The following CPEB1 variants were observed in gnomAD, a reference collection of about 807,000 sequenced individuals.
CPEB1 encodes cytoplasmic polyadenylation element binding protein 1.
Under a neutral mutation model 65.8 loss-of-function variants are expected in CPEB1, and 7 were observed. That is an observed-to-expected ratio of 0.11 (90% CI 0.06 to 0.20). The LOEUF (loss-of-function observed/expected upper bound fraction) is 0.20, where lower values mean the gene tolerates loss of function less well. Ranked by LOEUF, CPEB1 falls within the 10% of genes least tolerant of loss-of-function variation. The pLI, the probability that CPEB1 is intolerant of heterozygous loss-of-function variation, is 1.00. For synonymous variants in CPEB1, 262 were observed against 260.0 expected (o/e 1.01, Z -0.08); for missense variants, 551 against 712.2 (o/e 0.77, Z 2.58).
At position 82,546,453 on chromosome 15, in the gene CPEB1, G is replaced by C; in HGVS notation, c.1644C>G (p.Phe548Leu). ...ACATCGGACCCACCTGATCTCGACA[G>C]AAGAAAGGACCAGGCTGAGAACTGC... ...HICSSQPGPF[F>L]CRDQVCFKYF... The change falls in exon 12 of 13, where the codon TTC becomes TTG. Residue 548 changes from phenylalanine (F) to leucine (L), a missense_variant. Phe to Leu is a conservative substitution (Grantham distance 22). Coordinates refer to ENST00000684509, the MANE Select transcript of CPEB1 (RefSeq NM_001365242.1). 6.2e-7 allele frequency: 1 copy of C among 1,613,808 alleles called. No homozygotes were observed.
chr15:82,604,043 T>C (rs1175652674), intron 3 of CPEB1, among the ~76,000 whole-genome samples: 1 of 152,162 alleles, frequency 6.6e-6, no homozygotes, highest in East Asian at 1.9e-4. Context: ...ATTTTCAATA[T>C]GTATGAAGAG....
chr15:82,590,233 A>C (rs561827470), intron 3 of CPEB1, among the ~76,000 whole-genome samples: 18 of 136,550 alleles, frequency 1.3e-4, no homozygotes, highest in South Asian at 1.0e-3. Flanking sequence ...AAAAAAAAAA[A>C]AAAAAAACAG....
At chr15:82,581,949 G>T (rs2041319777) in intron 3 of CPEB1, among the ~76,000 whole-genome samples, 1 of 152,184 alleles carries the variant, frequency 6.6e-6, no homozygotes, top group Non-Finnish European at 1.5e-5. Context: ...TATGACTTAA[G>T]CCAAGCTAGC....
chr15:82,588,904 A>C (rs1368501890), intron 3 of CPEB1, among the ~76,000 whole-genome samples: 5 of 152,172 alleles, frequency 3.3e-5, no homozygotes, highest in Non-Finnish European at 5.9e-5. Context: ...ATATGTTCTT[A>C]AGATTGAGTA....
chr15:82,597,105 G>A (rs569159071), intron 3 of CPEB1, among the ~76,000 whole-genome samples: 21 of 152,212 alleles, frequency 1.4e-4, no homozygotes, highest in South Asian at 4.2e-4. Flanking sequence ...AGGTGGGATC[G>A]CTTGAGCCCA....
intron 3 of CPEB1, among the ~76,000 whole-genome samples, chr15:82,594,598 G>A (rs551262275): frequency 6.6e-6 from 1 of 152,292 alleles, no homozygotes; most frequent in South Asian, 2.1e-4. Flanking sequence ...TATCATTCAT[G>A]TGCTTACCTG....
intron 3 of CPEB1, among the ~76,000 whole-genome samples, chr15:82,615,148 T>C (rs1177598982): frequency 6.6e-6 from 1 of 152,224 alleles, no homozygotes; most frequent in African/African-American, 2.4e-5. Context: ...GTCATCTGCA[T>C]TCAGAGCCTG....
At chr15:82,644,975 T>G (rs1330578554) in intron 1 of CPEB1, among the ~76,000 whole-genome samples, 1 of 152,136 alleles carries the variant, frequency 6.6e-6, no homozygotes, top group Non-Finnish European at 1.5e-5. Flanking sequence ...ATAGAACCAT[T>G]CCTGTATCAA....
At chr15:82,559,491 C>G (rs980094701) in intron 4 of CPEB1, among the ~76,000 whole-genome samples, 15 of 152,120 alleles carry the variant, frequency 9.9e-5, no homozygotes, top group Non-Finnish European at 2.2e-4. Context: ...TTTACATTCC[C>G]ACCGGCAGTG....
intron 3 of CPEB1, among the ~76,000 whole-genome samples, chr15:82,586,303 A>C (rs1019557903): frequency 1.8e-4 from 28 of 151,876 alleles, no homozygotes; most frequent in South Asian, 4.1e-4. Context: ...CCTCTTTAAG[A>C]ATGAGTTCTT....
At chr15:82,593,706 A>T (rs889505795) in intron 3 of CPEB1, among the ~76,000 whole-genome samples, 1 of 152,244 alleles carries the variant, frequency 6.6e-6, no homozygotes, top group Non-Finnish European at 1.5e-5. Context: ...TGGCAGCTCT[A>T]GCCTTATGAA....
chr15:82,561,543 C>A (rs965164507), intron 4 of CPEB1, among the ~76,000 whole-genome samples: 46 of 152,244 alleles, frequency 3.0e-4, no homozygotes, highest in Non-Finnish European at 5.6e-4. Context: ...CCAAAGATGG[C>A]AAGTATGGGC....
chr15:82,647,686 C>T, upstream of CPEB1: 1 of 441,084 alleles, frequency 2.3e-6, no homozygotes, highest in East Asian at 4.3e-5. Flanking sequence ...TCGCCCTCCA[C>T]CCCTCCACGA....
rs924598631 is a variant in CPEB1, at chr15:82,544,449, G to T, written c.*143C>A. The stretch of plus-strand genomic sequence containing the variant: ...ATTAATTAGTGCAGAAACAAAGACA[G>T]ATTCAGCAAGTGCAAAGGTGACTAC... On this transcript the variant is annotated 3_prime_UTR_variant, in exon 13 of 13. Coordinates refer to ENST00000684509, the MANE Select transcript of CPEB1 (RefSeq NM_001365242.1). The T allele has an allele frequency of 1.4e-4, 87 of 621,762 alleles. No individual in the cohort carries two copies. In the African/African-American group the frequency reaches 1.6e-3, roughly 11 times the overall value. 38.5% of individuals were successfully genotyped at this position (621,762 alleles called of 1,614,324 possible).
chr15:82,575,777 T>C (rs1013590966), intron 3 of CPEB1, among the ~76,000 whole-genome samples: 7 of 152,224 alleles, frequency 4.6e-5, no homozygotes, highest in African/African-American at 1.7e-4. Flanking sequence ...TAAAAGACTG[T>C]ACCACATCTT....
chr15:82,628,048 T>C, intron 2 of CPEB1: 3 of 610,894 alleles, frequency 4.9e-6, no homozygotes, highest in Non-Finnish European at 5.8e-6. Flanking sequence ...TTAAGGCTCA[T>C]TACACATGCT....
rs375566002 is a variant in CPEB1, at chr15:82,555,939, C to T, written c.871G>A (p.Asp291Asn). ...WPGASVWPSW[D>N]LLEAPKDPFS... ...GGGTCTTTGGGAGCTTCGAGGAGGT[C>T]CCAGGATGGCCACACAGAAGCTCCT... The change falls in exon 6 of 13, where the codon GAC (aspartate) becomes AAC (asparagine). Residue 291 changes from aspartate (D) to asparagine (N), a missense_variant. Asp to Asn is a conservative substitution (Grantham distance 23). Transcript: ENST00000684509. 1.9e-6 allele frequency: 3 copies of T among 1,613,400 alleles called. No individual in the cohort carries two copies. Among genetic ancestry groups the T allele is most frequent in the Admixed American group, 1.7e-5 (1 of 59,912 alleles).
intron 3 of CPEB1, among the ~76,000 whole-genome samples, chr15:82,624,496 C>A (rs1025141499): frequency 3.3e-5 from 5 of 152,124 alleles, no homozygotes; most frequent in Non-Finnish European, 7.4e-5. Context: ...TCAAGATCTT[C>A]CTCCTGCTTC....
At chr15:82,642,015 T>C (rs2047154839) in intron 1 of CPEB1, among the ~76,000 whole-genome samples, 1 of 152,250 alleles carries the variant, frequency 6.6e-6, no homozygotes, top group African/African-American at 2.4e-5. Flanking sequence ...GTCAGATAAT[T>C]TTCCTATGAA....
Sources: gnomAD v4.1 joint callset for allele counts (sites outside exome capture counted in the v4.1 genomes callset) on GRCh38, gnomAD v4.1.1 for gene constraint, MANE v1.5 for transcripts, NCBI Gene and HGNC (gene_info 2026-07-23, HGNC 2026-07-21) for gene names.